EPHB1: variants seen among roughly 807,000 people sequenced by gnomAD.
The protein encoded by EPHB1 is EPH receptor B1, also known as ephrin type-B receptor 1.
A neutral mutation model predicts 94.4 loss-of-function variants in EPHB1; 30 were observed. The observed-to-expected ratio is 0.32, with a 90% CI of 0.24 to 0.43. The LOEUF (loss-of-function observed/expected upper bound fraction) is 0.43. Ranked by LOEUF, EPHB1 falls within the 20% of genes least tolerant of loss-of-function variation. The pLI, the probability that EPHB1 is intolerant of heterozygous loss-of-function variation, is 1.00. For synonymous variants in EPHB1, 522 were observed against 489.1 expected (o/e 1.07, Z -0.89); for missense variants, 1,055 against 1,308.3 (o/e 0.81, Z 2.99).
chr3:135,089,978 T>C (rs906473407), intron 3 of EPHB1, among the ~76,000 whole-genome samples: 9 of 152,342 alleles, frequency 5.9e-5, no homozygotes, highest in Non-Finnish European at 1.2e-4. Context: ...TCTCCCCTAA[T>C]TGTGTTTCAC....
At chr3:134,851,122 C>T (rs1005237971) in intron 1 of EPHB1, among the ~76,000 whole-genome samples, 2 of 152,152 alleles carry the variant, frequency 1.3e-5, no homozygotes, top group South Asian at 2.1e-4. Flanking sequence ...CTGGGTCCAG[C>T]GAAGGGAAAG....
At chr3:135,240,650 G>A (rs1232498503) in intron 12 of EPHB1, among the ~76,000 whole-genome samples, 2 of 152,170 alleles carry the variant, frequency 1.3e-5, no homozygotes, top group Non-Finnish European at 2.9e-5. Context: ...CAAAAATGGG[G>A]CAGAGGGCAG....
At chr3:134,847,273 C>T (rs1418964190) in intron 1 of EPHB1, among the ~76,000 whole-genome samples, 1 of 152,136 alleles carries the variant, frequency 6.6e-6, no homozygotes, top group African/African-American at 2.4e-5. Flanking sequence ...GATGTAGCCA[C>T]TCACCCTGAG....
intron 1 of EPHB1, among the ~76,000 whole-genome samples, chr3:134,921,436 C>T (rs73861807): frequency 0.031 from 4,706 of 152,222 alleles, 260 homozygotes; most frequent in African/African-American, 0.11. Context: ...TTTTCCAGTT[C>T]GTTTTTCCAG....
chr3:135,206,122 C>T (rs968625922), intron 12 of EPHB1, among the ~76,000 whole-genome samples: 1 of 152,190 alleles, frequency 6.6e-6, no homozygotes, highest in Non-Finnish European at 1.5e-5. Context: ...TGGAATCATA[C>T]AGCATGTGCT....
intron 9 of EPHB1, among the ~76,000 whole-genome samples, chr3:135,177,475 A>T (rs918750270): frequency 3.9e-5 from 6 of 152,034 alleles, no homozygotes; most frequent in Non-Finnish European, 7.4e-5. Context: ...GCAGCCCCTG[A>T]CCAATTGTGT....
rs1217744067 is a variant in EPHB1 at position 135,052,909 on chromosome 3, A to ATATATATATATG, written c.806-53538_806-53537insATATATATATGT. Among the ~76,000 whole-genome samples the ATATATATATATG allele has an allele frequency of 1.0e-4, 7 of 68,852 alleles. No individual in the cohort carries two copies. The East Asian group carries it at 1.1e-3, about 11-fold the overall frequency. The allele number at this position is 68,852 out of a possible 152,430, so 45.2% of individuals were successfully genotyped here. On this transcript the variant is annotated intron_variant, in intron 3 of 15. Transcript: ENST00000398015. ...AAAAAAAATATATATATATATATAT[A>ATATATATATATG]TGTGTGTGTGTGTGTGTGTGTGTAT...
At position 135,120,322 on chromosome 3, in the gene EPHB1, T is replaced by C. The variant is rs151256112; in HGVS notation, c.962-12392T>C. Among the ~76,000 whole-genome samples, 1,039 of 152,346 alleles carry C rather than the reference T, an allele frequency of 6.8e-3. 16 individuals are homozygous for C. The highest frequency in any genetic ancestry group is 0.024 in the African/African-American group (979 of 41,580). ...TTCACAGAGGTCTTGTGAGATTTAA[T>C]CCTAGGTATTTTATGGTTTTGTGGC... is the stretch of plus-strand genomic sequence containing the variant. On this transcript the variant is annotated intron_variant, in intron 4 of 15. Transcript: ENST00000398015.
At chr3:135,245,933 G>T (rs1383808470) in intron 13 of EPHB1, among the ~76,000 whole-genome samples, 1 of 152,054 alleles carries the variant, frequency 6.6e-6, no homozygotes, top group Non-Finnish European at 1.5e-5. Context: ...CATGTGCATG[G>T]GTCCCCATTC....
chr3:134,925,826 G>A lies in EPHB1; in HGVS notation c.69G>A (p.Met23Ile). ...SAVAAMEETL[M>I]DTRTATAELG... ...CTTTTTAATCTACAGAAACGTTAATGGACACCAGAACGGCTACTGCAGAGC... is the reference window on the plus strand; with the variant it reads ...CTTTTTAATCTACAGAAACGTTAATAGACACCAGAACGGCTACTGCAGAGC... Residue 23 changes from methionine to isoleucine, a missense_variant, in exon 2 of 16, where the codon ATG becomes ATA. By Grantham distance (10) the Met-to-Ile change is conservative (BLOSUM62 1). Coordinates refer to ENST00000398015, the MANE Select transcript of EPHB1 (RefSeq NM_004441.5). The A allele has an allele frequency of 6.2e-7, 1 of 1,600,838 alleles. No homozygotes were observed. Among genetic ancestry groups the A allele is most frequent in the Non-Finnish European group, 8.5e-7 (1 of 1,173,172 alleles).
At chr3:135,256,894 T>G (rs1000258217) in intron 15 of EPHB1, among the ~76,000 whole-genome samples, 17 of 149,428 alleles carry the variant, frequency 1.1e-4, no homozygotes, top group Non-Finnish European at 8.9e-5. Context: ...AGTCCCATAT[T>G]TCTTGGAGGC....
Position 135,192,577 on chromosome 3 carries a change from G to A in EPHB1, c.1884G>A (p.Gly628=), listed in dbSNP as rs781080904. The A allele has an allele frequency of 6.2e-7, 1 of 1,613,398 alleles. No individual in the cohort carries two copies. The highest frequency in any genetic ancestry group is 1.1e-5 in the South Asian group (1 of 91,012). The change falls in exon 11 of 16, where the codon GGG becomes GGA. Residue 628 remains glycine, a splice_region_variant and synonymous_variant. Coordinates refer to ENST00000398015, the MANE Select transcript of EPHB1 (RefSeq NM_004441.5). ...TTAATGGCATTTTTGCTGTTGCAGG[G>A]GAGTTTGGAGAAGTGTACAAGGGGC... ...FVKIEEVIGA[G]EFGEVYKGRL...
At chr3:134,982,902 C>T (rs1022320469) in intron 3 of EPHB1, among the ~76,000 whole-genome samples, 2 of 152,186 alleles carry the variant, frequency 1.3e-5, no homozygotes, top group African/African-American at 4.8e-5. Context: ...GGATCAACAA[C>T]AGTCAGTGAG....
intron 3 of EPHB1, among the ~76,000 whole-genome samples, chr3:134,987,207 G>A (rs1337679618): frequency 2.6e-5 from 4 of 152,032 alleles, no homozygotes; most frequent in Non-Finnish European, 4.4e-5. Context: ...ATACGTACAG[G>A]CATTGTCTTA....
At chr3:135,025,104 TC>T (rs1936106914) in intron 3 of EPHB1, among the ~76,000 whole-genome samples, 1 of 91,318 alleles carries the variant, frequency 1.1e-5, no homozygotes, top group Admixed American at 1.1e-4. Flanking sequence ...CTTCCTTCCC[TC>T]CCTCCCTCCC....
chr3:135,006,374 G>A (rs1376098359), intron 3 of EPHB1, among the ~76,000 whole-genome samples: 4 of 152,212 alleles, frequency 2.6e-5, no homozygotes, highest in East Asian at 3.8e-4. Flanking sequence ...TGGGGATGAT[G>A]AAAATGTTCT....
At chr3:135,185,716 T>C (rs1044078986) in intron 10 of EPHB1, among the ~76,000 whole-genome samples, 15 of 152,304 alleles carry the variant, frequency 9.8e-5, no homozygotes, top group Admixed American at 8.5e-4. Flanking sequence ...ACCCTAGGGC[T>C]GTTGCGTATA....
intron 3 of EPHB1, among the ~76,000 whole-genome samples, chr3:135,072,441 A>G (rs1295098889): frequency 1.3e-5 from 2 of 152,138 alleles, no homozygotes; most frequent in Non-Finnish European, 2.9e-5. Flanking sequence ...CCCCGCAGTG[A>G]CTTATTTCAC....
At chr3:135,252,586 G>A (rs1559893170) in intron 15 of EPHB1, among the ~76,000 whole-genome samples, 1 of 149,090 alleles carries the variant, frequency 6.7e-6, no homozygotes, top group African/African-American at 2.5e-5. Flanking sequence ...CGGTGTATGT[G>A]TGCCACATTT....
Sources: allele counts gnomAD v4.1 joint callset (sites outside exome capture counted in the v4.1 genomes callset), GRCh38; gene constraint gnomAD v4.1.1; transcripts MANE v1.5; gene names NCBI Gene and HGNC (gene_info 2026-07-23, HGNC 2026-07-21).